Variants in MAST4 observed in about 807,000 individuals in gnomAD.
MAST4 encodes microtubule-associated serine/threonine-protein kinase 4.
Under a neutral mutation model 162.7 loss-of-function variants are expected in MAST4, and 89 were observed. The ratio of observed to expected loss-of-function variants is 0.55; its 90% CI spans 0.46 to 0.65. The LOEUF is 0.65. Among genes scored for constraint, MAST4 ranks in the 30% least tolerant of loss-of-function variants. The pLI is 0.00. For missense variants in MAST4, 3,153 were observed against 3,374.0 expected, an observed-to-expected ratio of 0.93 and a Z score of 1.62; for synonymous variants, 1,479 against 1,361.1, an observed-to-expected ratio of 1.09 and a Z score of -1.91.
chr5:66,833,144 A>G (rs1757731333), intron 3 of MAST4, among the ~76,000 whole-genome samples: 1 of 152,188 alleles, frequency 6.6e-6, no homozygotes. Context: ...AAATTTGTTT[A>G]CTAGCTCCTC....
At chr5:66,765,407 A>G (rs1003487662) in intron 2 of MAST4, among the ~76,000 whole-genome samples, 1 of 152,172 alleles carries the variant, frequency 6.6e-6, no homozygotes, top group Non-Finnish European at 1.5e-5. Flanking sequence ...TGGGTGATTT[A>G]TATCACCTAA....
intron 1 of MAST4, among the ~76,000 whole-genome samples, chr5:66,602,690 TTGTG>T (rs888494975): frequency 5.9e-5 from 9 of 152,152 alleles, no homozygotes; most frequent in African/African-American, 2.2e-4. Context: ...GAAGAGATGA[TTGTG>T]TGTTTTAGAT....
intron 1 of MAST4, among the ~76,000 whole-genome samples, chr5:66,757,404 T>C (rs1243901074): frequency 6.6e-6 from 1 of 152,246 alleles, no homozygotes; most frequent in Non-Finnish European, 1.5e-5. Context: ...TTTTGTTCAA[T>C]GTCTATGGCA....
chr5:66,847,811 A>T (rs1193991331), intron 3 of MAST4, among the ~76,000 whole-genome samples: 1 of 95,798 alleles, frequency 1.0e-5, no homozygotes, highest in Non-Finnish European at 2.1e-5. Context: ...CTGGAACAAG[A>T]CTCCTTCTCA....
chr5:66,928,141 T>A (rs1765041987), intron 4 of MAST4, among the ~76,000 whole-genome samples: 1 of 152,182 alleles, frequency 6.6e-6, no homozygotes, highest in South Asian at 2.1e-4. Context: ...TACCAGGTGT[T>A]AGGACTTCAA....
At chr5:66,745,713 C>T (rs750699254) in intron 1 of MAST4, among the ~76,000 whole-genome samples, 6 of 152,294 alleles carry the variant, frequency 3.9e-5, no homozygotes, top group East Asian at 1.9e-4. Context: ...GACTCTGTCC[C>T]GACTTTTGCC....
At chr5:66,658,222 T>C (rs995866754) in intron 1 of MAST4, among the ~76,000 whole-genome samples, 4 of 152,214 alleles carry the variant, frequency 2.6e-5, no homozygotes, top group Non-Finnish European at 5.9e-5. Flanking sequence ...ATCATAAAAA[T>C]ATATAGGTTA....
In MAST4 at chr5:67,029,678, G is replaced by A. The variant is rs190918222; in HGVS notation, c.675-24726G>A. On this transcript the variant is annotated intron_variant, in intron 4 of 28. Coordinates refer to ENST00000403625, the MANE Select transcript of MAST4 (RefSeq NM_001164664.2). ...TTATTTTTTGATAAGAACAAAAAGT[G>A]TTTGCTACTTAGAAAACCTTTATTG... is the stretch of plus-strand genomic sequence containing the variant. Among the ~76,000 whole-genome samples, 26 of 152,242 alleles carry A rather than the reference G, an allele frequency of 1.7e-4. 1 individual carries two copies. The highest frequency in any genetic ancestry group is 6.0e-4 in the African/African-American group (25 of 41,560).
chr5:66,758,686 G>GA (rs1384505662), intron 1 of MAST4, among the ~76,000 whole-genome samples: 5 of 152,118 alleles, frequency 3.3e-5, no homozygotes, highest in African/African-American at 7.2e-5. Flanking sequence ...ATCTTCACCT[G>GA]AAAAAATTTG....
intron 2 of MAST4, among the ~76,000 whole-genome samples, chr5:66,765,117 T>C (rs1754031904): frequency 1.3e-5 from 2 of 152,200 alleles, no homozygotes; most frequent in Non-Finnish European, 2.9e-5. Flanking sequence ...TAATAGGCTA[T>C]ATACCCTGTA....
At chr5:66,733,227 C>G (rs995888852) in intron 1 of MAST4, among the ~76,000 whole-genome samples, 7 of 152,142 alleles carry the variant, frequency 4.6e-5, no homozygotes, top group Admixed American at 3.9e-4. Flanking sequence ...CTCTGTCTCC[C>G]TGTCTCCTCC....
intron 2 of MAST4, among the ~76,000 whole-genome samples, chr5:66,784,715 G>A (rs1037905586): frequency 6.6e-6 from 1 of 152,174 alleles, no homozygotes; most frequent in Non-Finnish European, 1.5e-5. Context: ...TTCTGTTGCT[G>A]TGGTGGTGGT....
At chr5:67,074,140 A>T (rs1223483889) in intron 5 of MAST4, among the ~76,000 whole-genome samples, 6 of 152,112 alleles carry the variant, frequency 3.9e-5, no homozygotes, top group Non-Finnish European at 7.4e-5. Context: ...CTAAATAAAT[A>T]GGCAAAGGAC....
intron 4 of MAST4, among the ~76,000 whole-genome samples, chr5:66,930,404 A>G (rs1167746005): frequency 1.3e-5 from 2 of 152,208 alleles, no homozygotes; most frequent in East Asian, 3.9e-4. Context: ...TAAGAAGTGT[A>G]GTTCCCACAA....
intron 25 of MAST4, 105 bp downstream of exon 25, chr5:67,152,971 T>C (rs1298069071): frequency 3.2e-6 from 3 of 930,004 alleles, no homozygotes; most frequent in Non-Finnish European, 4.9e-6. Flanking sequence ...TAAGCTTGCA[T>C]TTGCGACCTG....
intron 1 of MAST4, among the ~76,000 whole-genome samples, chr5:66,683,168 G>C (rs1409801665): frequency 1.3e-5 from 2 of 152,138 alleles, no homozygotes. Flanking sequence ...TTACTCTGAG[G>C]TCTCATCAGC....
At chr5:66,624,122 T>A (rs1744254015) in intron 1 of MAST4, among the ~76,000 whole-genome samples, 1 of 149,048 alleles carries the variant, frequency 6.7e-6, no homozygotes, top group Admixed American at 6.7e-5. Flanking sequence ...GTTCACAGAT[T>A]GGAAGAATTA....
intron 18 of MAST4, 40 bp downstream of exon 18, chr5:67,134,728 A>G: frequency 6.5e-7 from 1 of 1,529,644 alleles, no homozygotes; most frequent in Non-Finnish European, 8.9e-7. Flanking sequence ...CACTGTTGGG[A>G]AGCAGCTATT....
chr5:67,086,894 A>T (rs1485011106), intron 5 of MAST4, among the ~76,000 whole-genome samples: 2 of 152,196 alleles, frequency 1.3e-5, no homozygotes, highest in East Asian at 3.9e-4. Context: ...AACATATAAC[A>T]TGTGCTTTAT....
Sources: gnomAD v4.1 joint callset for allele counts (sites outside exome capture counted in the v4.1 genomes callset) on GRCh38, gnomAD v4.1.1 for gene constraint, MANE v1.5 for transcripts, NCBI Gene and HGNC (gene_info 2026-07-23, HGNC 2026-07-21) for gene names.